HYDIN: variants seen among roughly 807,000 people sequenced by gnomAD.
HYDIN encodes HYDIN axonemal central pair apparatus protein.
In HYDIN, 132 loss-of-function variants were observed where a neutral mutation model predicts 403.9. The observed-to-expected ratio is 0.33, with a 90% CI of 0.28 to 0.38. The LOEUF is 0.38. Ranked by LOEUF, HYDIN falls within the 10% of genes least tolerant of loss-of-function variation. The pLI is 1.00. For missense variants in HYDIN, 2,827 were observed against 5,009.5 expected (o/e 0.56, Z 13.15); for synonymous variants, 1,202 against 1,891.7 (o/e 0.64, Z 9.46).
At chr16:70,908,530 G>A (rs1358725180) in intron 48 of HYDIN, 96 bp from the exon 49 acceptor site, 2 of 1,507,642 alleles carry the variant, frequency 1.3e-6, no homozygotes, top group South Asian at 1.3e-5. Flanking sequence ...TGTTGGGGTG[G>A]GCATGGTGGC....
chr16:70,985,442 T>C (rs1341583134), intron 27 of HYDIN, 120 bp from the exon 28 acceptor site: 35 of 1,064,730 alleles, frequency 3.3e-5, no homozygotes, highest in Non-Finnish European at 4.2e-5. Context: ...TACTGGTCAA[T>C]CTACATCTCA....
intron 71 of HYDIN, among the ~76,000 whole-genome samples, chr16:70,859,164 G>A (rs369567297): frequency 6.6e-6 from 1 of 151,974 alleles, no homozygotes; most frequent in East Asian, 1.9e-4. Context: ...AGCTGGGCGT[G>A]GTGGCGGGCG....
chr16:71,199,772 T>A (rs2087891759), intron 1 of HYDIN, among the ~76,000 whole-genome samples: 1 of 152,062 alleles, frequency 6.6e-6, no homozygotes, highest in Non-Finnish European at 1.5e-5. Flanking sequence ...ACTTTCCAAT[T>A]CAGAAAAGGA....
chr16:71,206,075 C>T (rs2088282923), intron 1 of HYDIN, among the ~76,000 whole-genome samples: 1 of 152,194 alleles, frequency 6.6e-6, no homozygotes, highest in African/African-American at 2.4e-5. Flanking sequence ...GGCAATCCTA[C>T]CCACCCCAAA....
intron 83 of HYDIN, among the ~76,000 whole-genome samples, chr16:70,819,065 C>T (rs2036050898): frequency 2.0e-5 from 3 of 150,334 alleles, no homozygotes; most frequent in Admixed American, 6.6e-5. Context: ...CAGGCGCCTG[C>T]CACCATGCCT....
intron 1 of HYDIN, among the ~76,000 whole-genome samples, chr16:71,196,086 T>C (rs990313373): frequency 6.6e-6 from 1 of 152,226 alleles, no homozygotes; most frequent in African/African-American, 2.4e-5. Flanking sequence ...ATACCAAGAA[T>C]CTACAAGTAT....
chr16:71,228,786 T>C (rs1431373598), intron 1 of HYDIN, among the ~76,000 whole-genome samples: 3 of 152,182 alleles, frequency 2.0e-5, no homozygotes, highest in African/African-American at 7.2e-5. Context: ...TACCATTTGA[T>C]CCAGCCATCC....
At chr16:70,810,426 C>T (rs573798867) in intron 84 of HYDIN, among the ~76,000 whole-genome samples, 1 of 152,296 alleles carries the variant, frequency 6.6e-6, no homozygotes, top group African/African-American at 2.4e-5. Context: ...GAAAGCATTT[C>T]TTATATAGCA....
At chr16:71,119,084 G>A (rs1277089128) in intron 9 of HYDIN, among the ~76,000 whole-genome samples, 3 of 152,148 alleles carry the variant, frequency 2.0e-5, no homozygotes, top group Non-Finnish European at 2.9e-5. Context: ...TAAGCTCAGT[G>A]CATGTGGGCA....
intron 18 of HYDIN, among the ~76,000 whole-genome samples, chr16:71,038,062 G>A (rs542104369): frequency 1.1e-4 from 17 of 152,282 alleles, no homozygotes; most frequent in African/African-American, 3.6e-4. Flanking sequence ...TGCTTTTTCT[G>A]CAGTCTGGGG....
chr16:71,003,280 A>G (rs1464871796), intron 23 of HYDIN, among the ~76,000 whole-genome samples: 3 of 152,202 alleles, frequency 2.0e-5, no homozygotes, highest in Non-Finnish European at 4.4e-5. Context: ...TTGGAAGTAC[A>G]TTTAAACTAT....
intron 30 of HYDIN, among the ~76,000 whole-genome samples, chr16:70,977,025 C>G (rs577506195): frequency 1.3e-5 from 2 of 152,306 alleles, no homozygotes; most frequent in South Asian, 4.1e-4. Flanking sequence ...CATGAGTGGT[C>G]CACTCTGCCC....
At chr16:71,116,901 G>A (rs1322681662) in intron 9 of HYDIN, among the ~76,000 whole-genome samples, 1 of 152,152 alleles carries the variant, frequency 6.6e-6, no homozygotes, top group Non-Finnish European at 1.5e-5. Context: ...TTTGCCCAAT[G>A]TGTTCCCAGT....
chr16:71,141,750 T>C (rs1273723454), intron 7 of HYDIN, among the ~76,000 whole-genome samples: 3 of 152,110 alleles, frequency 2.0e-5, no homozygotes, highest in African/African-American at 7.2e-5. Flanking sequence ...GACAAGCCAA[T>C]TTAGTATCCA....
rs1412163577 is a variant in HYDIN, at chr16:70,850,565, C to T, written c.12534G>A (p.Val4178=). ...AGCCCTCGGCCTTGACATTTAATGT[C>T]ACAGGGTGGACTTTCTTTTCCACAT... ...ICNVEKKVHP[V]TLNVKAEGYT... is the part of the protein sequence containing the mutation. The change falls in exon 74 of 86, where the codon GTG becomes GTA. Residue 4178 remains valine (V), a synonymous_variant. Transcript: ENST00000393567. 1.2e-6 allele frequency: 2 copies of T among 1,613,510 alleles called. No homozygotes were observed. The highest frequency in any genetic ancestry group is 8.5e-7 in the Non-Finnish European group (1 of 1,179,846).
rs565317303 is a variant in HYDIN at position 70,964,131 on chromosome 16, AC to A, written c.5788+596del. On this transcript the variant is annotated intron_variant, in intron 37 of 85. Coordinates refer to ENST00000393567, the MANE Select transcript of HYDIN (RefSeq NM_001270974.2). ...GAGCCCCTGGGCAGATGATGGGATA[AC>A]TCAGGGGTGGTGGGCCAGAAAGGGC... is the stretch of plus-strand genomic sequence containing the variant. Among the ~76,000 whole-genome samples the A allele has an allele frequency of 1.1e-4, 16 of 141,584 alleles. No homozygotes were observed. In the South Asian group the frequency reaches 4.0e-3, roughly 36 times the overall value. 92.9% of individuals were successfully genotyped at this position (141,584 alleles called of 152,430 possible). A position where few individuals can be genotyped will look rare whatever the true frequency, so the allele number is the denominator to read the frequency against.
chr16:71,061,622 G>T (rs1210166621), intron 17 of HYDIN, among the ~76,000 whole-genome samples: 1 of 151,914 alleles, frequency 6.6e-6, no homozygotes, highest in Admixed American at 6.6e-5. Flanking sequence ...AGCTTGAGTA[G>T]GCTAATATGA....
intron 75 of HYDIN, among the ~76,000 whole-genome samples, chr16:70,844,948 G>C (rs77295022): frequency 2.3e-5 from 3 of 129,320 alleles, no homozygotes; most frequent in African/African-American, 7.2e-5. Flanking sequence ...GGGCTGAGAC[G>C]ATGGGGTTTT....
chr16:71,164,798 C>T (rs1358499332), intron 5 of HYDIN, among the ~76,000 whole-genome samples: 2 of 127,212 alleles, frequency 1.6e-5, no homozygotes, highest in Non-Finnish European at 3.3e-5. Flanking sequence ...ACAGCTTCAG[C>T]CCAAAGGGGG....
Sources: gnomAD v4.1 joint callset for allele counts (sites outside exome capture counted in the v4.1 genomes callset) on GRCh38, gnomAD v4.1.1 for gene constraint, MANE v1.5 for transcripts, NCBI Gene and HGNC (gene_info 2026-07-23, HGNC 2026-07-21) for gene names.